Variants in ZC3H12B observed in about 807,000 individuals in gnomAD.
ZC3H12B encodes the protein probable ribonuclease ZC3H12B.
In ZC3H12B, 7 loss-of-function variants were observed where a neutral mutation model predicts 43.9. The observed-to-expected ratio is 0.16, with a 90% CI of 0.09 to 0.30. The LOEUF (loss-of-function observed/expected upper bound fraction) is 0.30. ZC3H12B is among the 10% of genes least tolerant of loss of function. The probability of loss-of-function intolerance (pLI) is 1.00; values close to 1 mark genes in which losing one functional copy is unlikely to be tolerated. For synonymous variants in ZC3H12B, 222 were observed against 241.7 expected, an observed-to-expected ratio of 0.92 and a Z score of 0.76; for missense variants, 475 against 670.2, an observed-to-expected ratio of 0.71 and a Z score of 3.22.
At chrX:65,365,797 C>A (rs1274314797), upstream of ZC3H12B, among the ~76,000 whole-genome samples, 1 of 109,963 alleles carries the variant, frequency 9.1e-6, no homozygotes, top group African/African-American at 3.3e-5. Flanking sequence ...AGCTCCCATA[C>A]TGAGCACCTT....
chrX:65,132,444 G>A, the ZC3H12B span, among the ~76,000 whole-genome samples: 56 of 110,079 alleles, frequency 5.1e-4, no homozygotes, highest in African/African-American at 1.4e-3. Flanking sequence ...GATGGTAAGG[G>A]GTGCATGGTC....
the ZC3H12B span, among the ~76,000 whole-genome samples, chrX:65,096,081 A>G: frequency 9.0e-6 from 1 of 111,520 alleles, no homozygotes; most frequent in Non-Finnish European, 1.9e-5. Context: ...TATTATAATT[A>G]TCAGACCAGC....
At chrX:65,158,555 C>A in the ZC3H12B span, among the ~76,000 whole-genome samples, 1 of 112,121 alleles carries the variant, frequency 8.9e-6, no homozygotes, top group Non-Finnish European at 1.9e-5. Flanking sequence ...TGTTTATTGG[C>A]TGCATAAATG....
At chrX:65,109,017 C>G in the ZC3H12B span, among the ~76,000 whole-genome samples, 1 of 111,524 alleles carries the variant, frequency 9.0e-6, no homozygotes, top group Non-Finnish European at 1.9e-5. Flanking sequence ...CAGCTTTTGC[C>G]TGAAACGTCC....
At chrX:65,231,267 A>G in the ZC3H12B span, among the ~76,000 whole-genome samples, 9 of 111,277 alleles carry the variant, frequency 8.1e-5, no homozygotes, top group African/African-American at 2.6e-4. Context: ...ATAAAAGATC[A>G]CAAGGCAAAG....
At chrX:65,323,341 G>T in the ZC3H12B span, among the ~76,000 whole-genome samples, 1 of 111,399 alleles carries the variant, frequency 9.0e-6, no homozygotes, top group Admixed American at 9.5e-5. Context: ...AGGACATGGG[G>T]GGCCCCCACA....
At chrX:65,106,205 C>T in the ZC3H12B span, among the ~76,000 whole-genome samples, 1 of 111,321 alleles carries the variant, frequency 9.0e-6, no homozygotes, top group Non-Finnish European at 1.9e-5. Context: ...GAGGGTTGCA[C>T]AAATGCTATG....
the ZC3H12B span, among the ~76,000 whole-genome samples, chrX:65,105,183 C>A: frequency 2.7e-5 from 3 of 109,852 alleles, no homozygotes; most frequent in Non-Finnish European, 5.7e-5. Context: ...AATTTTTACT[C>A]ATAGGTGGGA....
At chrX:65,135,649 C>A in the ZC3H12B span, among the ~76,000 whole-genome samples, 1 of 109,171 alleles carries the variant, frequency 9.2e-6, no homozygotes, top group African/African-American at 3.3e-5. Flanking sequence ...TCAGACCCAG[C>A]CTTTTTCTTC....
the ZC3H12B span, among the ~76,000 whole-genome samples, chrX:65,253,640 T>A: frequency 1.8e-5 from 2 of 112,259 alleles, no homozygotes; most frequent in South Asian, 3.7e-4. Context: ...CCCCCCTGTC[T>A]GCTGGCCTCT....
the ZC3H12B span, among the ~76,000 whole-genome samples, chrX:65,209,924 G>T: frequency 1.1e-5 from 1 of 93,201 alleles, no homozygotes; most frequent in East Asian, 3.2e-4. Context: ...AATTCAAGAT[G>T]GATTAAAGAT....
upstream of ZC3H12B, among the ~76,000 whole-genome samples, chrX:65,485,229 C>T (rs1476254376): frequency 1.8e-5 from 2 of 111,849 alleles, no homozygotes; most frequent in East Asian, 2.8e-4. Flanking sequence ...TGGATTTTTT[C>T]AATCAGTAAC....
the ZC3H12B span, among the ~76,000 whole-genome samples, chrX:65,128,418 A>G: frequency 1.7e-4 from 19 of 112,044 alleles, no homozygotes; most frequent in Admixed American, 1.7e-3. Flanking sequence ...TTGTGGTTGG[A>G]AAACACCCTT....
chrX:65,424,923 TC>T (rs1224542689), intron 3 of ZC3H12B, among the ~76,000 whole-genome samples: 1 of 111,732 alleles, frequency 8.9e-6, no homozygotes, highest in Non-Finnish European at 1.9e-5. Flanking sequence ...TGTTCTTTTT[TC>T]TTATGATTGT....
the ZC3H12B span, among the ~76,000 whole-genome samples, chrX:65,092,454 G>T: frequency 9.0e-6 from 1 of 111,519 alleles, no homozygotes; most frequent in East Asian, 2.8e-4. Flanking sequence ...CCTAAAGATT[G>T]GTTAAATGGT....
intron 1 of ZC3H12B, among the ~76,000 whole-genome samples, chrX:65,494,134 AAC>A: frequency 8.9e-6 from 1 of 112,160 alleles, no homozygotes; most frequent in East Asian, 2.8e-4. Flanking sequence ...TCAAAATATT[AAC>A]AGTGTTTGTC....
intron 3 of ZC3H12B, among the ~76,000 whole-genome samples, chrX:65,400,699 T>C (rs1417363827): frequency 2.7e-5 from 3 of 111,909 alleles, no homozygotes; most frequent in Non-Finnish European, 5.6e-5. Flanking sequence ...TCCACAGTCA[T>C]TTTATTCCTC....
chrX:65,448,955 A>AAGAAAGAAAAAGAAAG (rs1556209273), intron 3 of ZC3H12B, among the ~76,000 whole-genome samples: 1 of 58,967 alleles, frequency 1.7e-5, no homozygotes, highest in Non-Finnish European at 2.6e-5. Flanking sequence ...GAAAGAAAGA[A>AAGAAAGAAAAAGAAAG]AAAGAAAGAA....
At chrX:65,352,755 GTC>G in the ZC3H12B span, among the ~76,000 whole-genome samples, 1 of 111,915 alleles carries the variant, frequency 8.9e-6, no homozygotes, top group South Asian at 3.7e-4. Flanking sequence ...CTCACTTCAT[GTC>G]TCTGTGTCAC....
Sources: gnomAD v4.1 joint callset for allele counts (sites outside exome capture counted in the v4.1 genomes callset) on GRCh38, gnomAD v4.1.1 for gene constraint, MANE v1.5 for transcripts, NCBI Gene and HGNC (gene_info 2026-07-23, HGNC 2026-07-21) for gene names.